ZNF84: variants seen among roughly 807,000 people sequenced by gnomAD.
ZNF84 encodes zinc finger protein HPF2.
ZNF84 carries 12 observed loss-of-function variants against 14.8 expected under a neutral mutation model. That is an observed-to-expected ratio of 0.81 (90% CI 0.52 to 1.31). The LOEUF is 1.31. Among genes scored for constraint, ZNF84 ranks in the 50% most tolerant of loss-of-function variants. ZNF84 has a pLI of 0.00. For synonymous variants in ZNF84, 347 were observed against 291.1 expected (o/e 1.19, Z -1.96); for missense variants, 859 against 878.6 (o/e 0.98, Z 0.28).
rs1954264669 is a variant in ZNF84 at position 133,061,545 on chromosome 12, T to C, written c.*2613T>C. 6.6e-6 allele frequency: 1 copy of C among 152,212 alleles called. No homozygotes were observed. Among genetic ancestry groups the C allele is most frequent in the African/African-American group, 2.4e-5 (1 of 41,464 alleles). The allele number at this position is 152,212 out of a possible 1,614,324, so 9.4% of individuals were successfully genotyped here. On this transcript the variant is annotated 3_prime_UTR_variant, in exon 5 of 5. Coordinates refer to ENST00000539354, the MANE Select transcript of ZNF84 (RefSeq NM_001289971.2). Reference sequence around the variant, plus strand: ...GACGTGGGAGACCAACTAATGCAAATGAACAGTTACAGGGTGATGTTGTAC... The same window carrying C: ...GACGTGGGAGACCAACTAATGCAAACGAACAGTTACAGGGTGATGTTGTAC...
intron 4 of ZNF84, among the ~76,000 whole-genome samples, chr12:133,055,011 T>C (rs1954129698): frequency 6.6e-6 from 1 of 152,174 alleles, no homozygotes; most frequent in Non-Finnish European, 1.5e-5. Flanking sequence ...GCTTCATGAA[T>C]TCCAAAATCA....
chr12:133,054,081 A>G (rs1488818840), intron 4 of ZNF84, among the ~76,000 whole-genome samples: 3 of 152,340 alleles, frequency 2.0e-5, no homozygotes, highest in Admixed American at 6.5e-5. Context: ...TGGGCCCAGC[A>G]TGTTGGCTCA....
intron 2 of ZNF84, among the ~76,000 whole-genome samples, chr12:133,044,099 T>A (rs1246884632): frequency 6.6e-6 from 1 of 151,910 alleles, no homozygotes; most frequent in East Asian, 1.9e-4. Flanking sequence ...TTTCTTTAGA[T>A]TTGATTAGAT....
At chr12:133,046,924 AT>A (rs1163890885) in intron 2 of ZNF84, among the ~76,000 whole-genome samples, 3 of 143,408 alleles carry the variant, frequency 2.1e-5, no homozygotes, top group African/African-American at 5.1e-5. Flanking sequence ...ATATTATATT[AT>A]TTTTAATATA....
At chr12:133,045,228 T>C (rs1953959392) in intron 2 of ZNF84, among the ~76,000 whole-genome samples, 1 of 152,134 alleles carries the variant, frequency 6.6e-6, no homozygotes, top group Non-Finnish European at 1.5e-5. Context: ...CCCAGCACTT[T>C]GGGAGGCCGA....
chr12:133,060,830 T>C lies in ZNF84; in HGVS notation c.*1898T>C, dbSNP rs1954249774. The C allele has an allele frequency of 6.6e-6, 1 of 152,228 alleles. No individual in the cohort carries two copies. The highest frequency in any genetic ancestry group is 1.5e-5 in the Non-Finnish European group (1 of 68,032). The allele number at this position is 152,228 out of a possible 1,614,324, so 9.4% of individuals were successfully genotyped here. On this transcript the variant is annotated 3_prime_UTR_variant, in exon 5 of 5. Coordinates refer to ENST00000539354, the MANE Select transcript of ZNF84 (RefSeq NM_001289971.2). ...ACCATCCCTTAGCTAAGTAAGGATT[T>C]TGTAATGTTCTCTCAATAATGTTGC...
In ZNF84 at chr12:133,061,235, GGACCTCAAGTGGA is replaced by G. The variant is rs1192878947; in HGVS notation, c.*2317_*2329del. On this transcript the variant is annotated 3_prime_UTR_variant, in exon 5 of 5. Transcript: ENST00000539354. ...TAATCCCAGCACTTTGGGAGGCTGAGGACCTCAAGTGGAGACCTCAAGTGGATCACTTGAGGTC... is the reference window on the plus strand; with the variant it reads ...TAATCCCAGCACTTTGGGAGGCTGAGGACCTCAAGTGGATCACTTGAGGTC... The G allele has an allele frequency of 1.3e-5, 2 of 152,170 alleles. No individual in the cohort carries two copies. Among genetic ancestry groups the G allele is most frequent in the South Asian group, 2.1e-4 (1 of 4,832 alleles). 9.4% of individuals were successfully genotyped at this position (152,170 alleles called of 1,614,324 possible).
Position 133,057,960 on chromosome 12 carries a change from G to T in ZNF84, c.1245G>T (p.Arg415Ser). Reference protein sequence around the residue: ...CSECRKAFRERSSLINHQRTH... With the variant: ...CSECRKAFRESSSLINHQRTH... ...AGTGTAGGAAAGCATTTAGAGAGAG[G>T]TCGAGTCTCATTAATCATCAGAGAA... Residue 415 changes from arginine (R) to serine (S), a missense_variant, in exon 5 of 5, where the codon AGG becomes AGT. Coordinates refer to ENST00000539354, the MANE Select transcript of ZNF84 (RefSeq NM_001289971.2). 1.2e-6 allele frequency: 2 copies of T among 1,613,836 alleles called. No individual in the cohort carries two copies. Among genetic ancestry groups the T allele is most frequent in the East Asian group, 2.2e-5 (1 of 44,850 alleles).
At chr12:133,046,696 C>CT (rs1264767518) in intron 2 of ZNF84, among the ~76,000 whole-genome samples, 1 of 151,136 alleles carries the variant, frequency 6.6e-6, no homozygotes, top group East Asian at 1.9e-4. Context: ...GGGTCTCACT[C>CT]TGTCACTCAA....
Position 133,047,956 on chromosome 12 carries a change from A to C in ZNF84, c.17A>C (p.Glu6Ala). 6.2e-7 allele frequency: 1 copy of C among 1,613,834 alleles called. No homozygotes were observed. Among genetic ancestry groups the C allele is most frequent in the South Asian group, 1.1e-5 (1 of 91,060 alleles). ...TTTACCAGGATTGTGCTCTTACAGG[A>C]GTCATTCTCATTTGACGATTTATCT... MTMLQ[E>A]SFSFDDLSVD... Residue 6 changes from glutamate to alanine, a missense_variant and splice_region_variant, in exon 3 of 5, where the codon GAG (glutamate) becomes GCG (alanine). By Grantham distance (107) the Glu-to-Ala change is moderately radical (BLOSUM62 -1). Transcript: ENST00000539354.
chr12:133,045,080 A>G (rs1377532863), intron 2 of ZNF84, among the ~76,000 whole-genome samples: 1 of 152,196 alleles, frequency 6.6e-6, no homozygotes. Flanking sequence ...AACCATCATC[A>G]CAATCTAGTT....
At chr12:133,050,786 T>C (rs1428890222) in intron 4 of ZNF84, among the ~76,000 whole-genome samples, 1 of 152,238 alleles carries the variant, frequency 6.6e-6, no homozygotes, top group Non-Finnish European at 1.5e-5. Context: ...ATCTGTGACC[T>C]GATCGTAGTA....
In ZNF84 at chr12:133,041,461, G is replaced by C. The variant is rs1953887210; in HGVS notation, c.-7G>C. 1 of 1,614,026 alleles carries C rather than the reference G, an allele frequency of 6.2e-7. No homozygotes were observed. Among genetic ancestry groups the C allele is most frequent in the Non-Finnish European group, 8.5e-7 (1 of 1,179,992 alleles). On this transcript the variant is annotated 5_prime_UTR_variant, in exon 2 of 5. Transcript: ENST00000539354. ...GCCTTGCTGATCATCTCGTACAGCAGCAGAAAATGACCATGTTACAGGTGA... is the reference window on the plus strand; with the variant it reads ...GCCTTGCTGATCATCTCGTACAGCACCAGAAAATGACCATGTTACAGGTGA...
At chr12:133,048,560 C>G (rs1420899477) in intron 3 of ZNF84, 193 bp from the exon 4 acceptor site, 1 of 432,362 alleles carries the variant, frequency 2.3e-6, no homozygotes, top group Admixed American at 3.6e-5. Flanking sequence ...TCCAGAGCCT[C>G]TGAAGTGTTC....
At chr12:133,046,013 G>T (rs1285258521) in intron 2 of ZNF84, among the ~76,000 whole-genome samples, 5 of 151,754 alleles carry the variant, frequency 3.3e-5, no homozygotes. Flanking sequence ...TTCTCTTAAA[G>T]TATATTGTGT....
chr12:133,056,884 C>G, intron 4 of ZNF84, 70 bp from the exon 5 acceptor site: 1 of 1,376,304 alleles, frequency 7.3e-7, no homozygotes. Context: ...CATAGCATTT[C>G]TAGTTTTGTT....
At chr12:133,041,228 G>A in intron 1 of ZNF84, 50 bp from the exon 2 acceptor site, 1 of 493,008 alleles carries the variant, frequency 2.0e-6, no homozygotes, top group East Asian at 3.2e-5. Context: ...GAGAGAAAGA[G>A]ATTTCATGTG....
chr12:133,038,259 T>A (rs1224314632), intron 1 of ZNF84, among the ~76,000 whole-genome samples: 1 of 148,926 alleles, frequency 6.7e-6, no homozygotes, highest in African/African-American at 2.5e-5. Flanking sequence ...AATGCTACAT[T>A]TATTGCATGC....
chr12:133,059,854 C>T lies in ZNF84; in HGVS notation c.*922C>T, dbSNP rs1954227930. 1 of 152,162 alleles carries T rather than the reference C, an allele frequency of 6.6e-6. No homozygotes were observed. Among genetic ancestry groups the T allele is most frequent in the Non-Finnish European group, 1.5e-5 (1 of 68,014 alleles). The allele number at this position is 152,162 out of a possible 1,614,324, so 9.4% of individuals were successfully genotyped here. On this transcript the variant is annotated 3_prime_UTR_variant, in exon 5 of 5. Transcript: ENST00000539354. The stretch of plus-strand genomic sequence containing the variant: ...TAACCCGTTTCTTTTAACTTATAGA[C>T]ATACATAAGGGGTCTTTTGTTTTTA...
Sources: allele counts gnomAD v4.1 joint callset (sites outside exome capture counted in the v4.1 genomes callset), GRCh38; gene constraint gnomAD v4.1.1; transcripts MANE v1.5; gene names NCBI Gene and HGNC (gene_info 2026-07-23, HGNC 2026-07-21).